Variants in COL4A5 observed in about 807,000 individuals in gnomAD.
COL4A5 encodes collagen alpha-5(IV) chain.
In COL4A5, 26 loss-of-function variants were observed where a neutral mutation model predicts 130.2. That is an observed-to-expected ratio of 0.20 (90% CI 0.15 to 0.28). COL4A5 has a LOEUF of 0.28. Among genes scored for constraint, COL4A5 ranks in the 10% least tolerant of loss-of-function variants. COL4A5 has a pLI of 1.00. For missense variants in COL4A5, 1,131 were observed against 1,344.3 expected, an observed-to-expected ratio of 0.84 and a Z score of 2.48; for synonymous variants, 496 against 439.6, an observed-to-expected ratio of 1.13 and a Z score of -1.60.
At chrX:108,497,765 C>G (rs967811270) in intron 1 of COL4A5, among the ~76,000 whole-genome samples, 1 of 111,418 alleles carries the variant, frequency 9.0e-6, no homozygotes, top group African/African-American at 3.3e-5. Context: ...TCTGATAGGT[C>G]CAAGAAAAAT....
intron 45 of COL4A5, 36 bp downstream of exon 45, chrX:108,680,787 T>A: frequency 8.4e-7 from 1 of 1,185,414 alleles, no homozygotes; most frequent in African/African-American, 1.7e-5. Context: ...CCCTTTATAT[T>A]AAACTCCTCT....
intron 1 of COL4A5, among the ~76,000 whole-genome samples, chrX:108,461,506 A>G (rs964495368): frequency 7.2e-4 from 81 of 112,221 alleles, no homozygotes; most frequent in African/African-American, 2.5e-3. Flanking sequence ...AACAGTGATT[A>G]AATTATTTCA....
chrX:108,593,981 C>T (rs2066474520), intron 21 of COL4A5, among the ~76,000 whole-genome samples: 1 of 111,801 alleles, frequency 8.9e-6, no homozygotes, highest in Admixed American at 9.5e-5. Flanking sequence ...CACCTAATTG[C>T]CCATGACTTC....
At chrX:108,491,648 C>G (rs1182786326) in intron 1 of COL4A5, among the ~76,000 whole-genome samples, 3 of 111,312 alleles carry the variant, frequency 2.7e-5, no homozygotes. Flanking sequence ...TTAGCTTACC[C>G]TTGTCCCACC....
chrX:108,587,482 T>C (rs1402370253), intron 19 of COL4A5, among the ~76,000 whole-genome samples: 2 of 112,323 alleles, frequency 1.8e-5, no homozygotes, highest in Non-Finnish European at 3.8e-5. Flanking sequence ...AATATTCCAT[T>C]GTGTATTTAT....
intron 9 of COL4A5, among the ~76,000 whole-genome samples, chrX:108,574,291 C>T (rs1483240781): frequency 9.0e-6 from 1 of 111,491 alleles, no homozygotes; most frequent in Non-Finnish European, 1.9e-5. Context: ...CATTAGCTAC[C>T]TTGTCATTCC....
At position 108,597,501 on chromosome X, in the gene COL4A5, T is replaced by C. The variant is rs1396071157; in HGVS notation, c.1712T>C (p.Leu571Pro). ...GELGSPGAPGLPGLPGTPGQD... is the reference protein window; with the variant it reads ...GELGSPGAPGPPGLPGTPGQD... ...TTGGGTTCCCCTGGAGCTCCAGGGC[T>C]TCCTGGTTTACCTGGCACTCCTGGA... Residue 571 changes from leucine to proline, a missense_variant, in exon 24 of 53, where the codon CTT becomes CCT. Leu to Pro is a moderately conservative substitution (Grantham distance 98). Transcript: ENST00000328300. 8.3e-7 allele frequency: 1 copy of C among 1,208,444 alleles called. No individual in the cohort carries two copies. The highest frequency in any genetic ancestry group is 1.1e-6 in the Non-Finnish European group (1 of 894,579).
In COL4A5 at chrX:108,606,410, A is replaced by T. The variant is rs1253311243; in HGVS notation, c.2245-332A>T. On this transcript the variant is annotated intron_variant, in intron 28 of 52. Transcript: ENST00000328300. ...TGTTGTTATCATACTTAGTAAAATTAAAAATAATTGTTTAGTATTATCTAA... is the reference window on the plus strand; with the variant it reads ...TGTTGTTATCATACTTAGTAAAATTTAAAATAATTGTTTAGTATTATCTAA... 7.2e-5 allele frequency among the ~76,000 whole-genome samples: 8 copies of T among 111,645 alleles called. No homozygotes were observed. In the Admixed American group the frequency reaches 7.6e-4, roughly 11 times the overall value.
chrX:108,485,661 G>C (rs1394389999), intron 1 of COL4A5, among the ~76,000 whole-genome samples: 10 of 109,940 alleles, frequency 9.1e-5, no homozygotes, highest in African/African-American at 2.7e-4. Flanking sequence ...CTATCCTACT[G>C]TGTCTGAGCT....
intron 28 of COL4A5, among the ~76,000 whole-genome samples, chrX:108,606,495 C>T (rs1479353854): frequency 9.2e-6 from 1 of 109,263 alleles, no homozygotes; most frequent in Admixed American, 9.7e-5. Context: ...CTCATGCTCT[C>T]TCAGTTTTTT....
At chrX:108,522,297 A>T (rs1331184191) in intron 1 of COL4A5, among the ~76,000 whole-genome samples, 2 of 108,864 alleles carry the variant, frequency 1.8e-5, no homozygotes, top group Non-Finnish European at 3.8e-5. Flanking sequence ...TTGCATAGAC[A>T]TGTTTCTGTT....
At chrX:108,630,747 T>C (rs2067239343) in intron 36 of COL4A5, among the ~76,000 whole-genome samples, 1 of 111,988 alleles carries the variant, frequency 8.9e-6, no homozygotes, top group Non-Finnish European at 1.9e-5. Flanking sequence ...ATGTCCTGAA[T>C]GGTATTGCCT....
intron 36 of COL4A5, 86 bp downstream of exon 36, chrX:108,626,435 A>T: frequency 8.5e-7 from 1 of 1,181,987 alleles, no homozygotes; most frequent in East Asian, 3.0e-5. Flanking sequence ...TTTTCATTAA[A>T]CAAACTATAG....
chrX:108,598,840 G>T lies in COL4A5; in HGVS notation c.1918G>T (p.Ala640Ser). ...AGGTGAAAAAGGCATACAAGGTGTGGCAGGAAATCCAGGCCAGCCAGGAAT... is the reference window on the plus strand; with the variant it reads ...AGGTGAAAAAGGCATACAAGGTGTGTCAGGAAATCCAGGCCAGCCAGGAAT... ...PVGEKGIQGV[A>S]GNPGQPGIPG... The change falls in exon 25 of 53, where the codon GCA (alanine) becomes TCA (serine). Residue 640 changes from alanine to serine, a missense_variant. By Grantham distance (99) the Ala-to-Ser change is moderately conservative. Coordinates refer to ENST00000328300, the MANE Select transcript of COL4A5 (RefSeq NM_033380.3). The T allele has an allele frequency of 8.3e-7, 1 of 1,211,561 alleles. No individual in the cohort carries two copies. The highest frequency in any genetic ancestry group is 1.1e-6 in the Non-Finnish European group (1 of 895,407).
intron 1 of COL4A5, among the ~76,000 whole-genome samples, chrX:108,503,607 G>GCACCAA (rs761522328): frequency 2.0e-4 from 22 of 111,841 alleles, no homozygotes; most frequent in African/African-American, 6.5e-4. Flanking sequence ...GCACCACTAT[G>GCACCAA]CACCAACAAC....
chrX:108,684,362 G>T (rs1213258907), intron 47 of COL4A5, among the ~76,000 whole-genome samples: 2 of 110,373 alleles, frequency 1.8e-5, no homozygotes, highest in Non-Finnish European at 1.9e-5. Context: ...TTGATAGCAA[G>T]ACTAATAAAG....
At chrX:108,560,645 T>C (rs1266795458) in intron 3 of COL4A5, among the ~76,000 whole-genome samples, 2 of 112,967 alleles carry the variant, frequency 1.8e-5, no homozygotes, top group Admixed American at 9.3e-5. Context: ...TATGTAATGT[T>C]ATATGCTTAA....
chrX:108,581,139 T>A, intron 16 of COL4A5, 112 bp downstream of exon 16: 1 of 651,867 alleles, frequency 1.5e-6, no homozygotes, highest in Non-Finnish European at 2.5e-6. Context: ...GGAAATAGTT[T>A]AAATGAATTG....
chrX:108,668,285 T>C, intron 40 of COL4A5, 34 bp from the exon 41 acceptor site: 2 of 1,159,926 alleles, frequency 1.7e-6, no homozygotes, highest in Non-Finnish European at 2.4e-6. Flanking sequence ...TAACTCGGTA[T>C]TATTTATCTT....
Sources: allele counts gnomAD v4.1 joint callset (sites outside exome capture counted in the v4.1 genomes callset), GRCh38; gene constraint gnomAD v4.1.1; transcripts MANE v1.5; gene names NCBI Gene and HGNC (gene_info 2026-07-23, HGNC 2026-07-21).